KANK1: variants seen among roughly 807,000 people sequenced by gnomAD.
The protein encoded by KANK1 is KN motif and ankyrin repeat domain-containing protein 1.
In KANK1, 109 loss-of-function variants were observed where a neutral mutation model predicts 106.2. That is an observed-to-expected ratio of 1.03 (90% CI 0.88 to 1.20). The LOEUF is 1.20. Ranked by LOEUF, KANK1 falls within the 50% of genes most tolerant of loss-of-function variation. The probability of loss-of-function intolerance (pLI) is 0.00; values close to 1 mark genes in which losing one functional copy is unlikely to be tolerated. For missense variants in KANK1, 2,399 were observed against 1,710.7 expected (o/e 1.40, Z -7.10); for synonymous variants, 873 against 652.2 (o/e 1.34, Z -5.16).
intron 3 of KANK1, among the ~76,000 whole-genome samples, chr9:496,541 A>C (rs192728699): frequency 6.6e-6 from 1 of 152,246 alleles, no homozygotes; most frequent in Non-Finnish European, 1.5e-5. Context: ...TGGACAACAG[A>C]GCAAGACTCC....
intron 11 of KANK1, 39 bp from the exon 12 acceptor site, chr9:745,134 C>CT: frequency 6.2e-7 from 1 of 1,610,334 alleles, no homozygotes; most frequent in Non-Finnish European, 8.5e-7. Flanking sequence ...CCTGAGGTCA[C>CT]TTATTAACCC....
chr9:735,777 T>G, intron 7 of KANK1: 1 of 429,692 alleles, frequency 2.3e-6, no homozygotes. Flanking sequence ...GTGGATCACA[T>G]GAGGTCTGGA....
chr9:741,302 G>A (rs372866967), intron 9 of KANK1, among the ~76,000 whole-genome samples: 2 of 151,104 alleles, frequency 1.3e-5, no homozygotes, highest in African/African-American at 4.9e-5. Context: ...AGTGTCCCAG[G>A]TCCAGATGTG....
At chr9:512,113 A>C (rs1008374007) in intron 1 of KANK1, among the ~76,000 whole-genome samples, 1 of 152,180 alleles carries the variant, frequency 6.6e-6, no homozygotes, top group Admixed American at 6.5e-5. Context: ...ATTTGTCTTC[A>C]TGGCAACTAC....
chr9:484,850 G>T (rs10974769), intron 3 of KANK1, among the ~76,000 whole-genome samples: 1 of 151,796 alleles, frequency 6.6e-6, no homozygotes, highest in Admixed American at 6.6e-5. Flanking sequence ...GTTACTCTCA[G>T]TGTTTCCAAG....
chr9:728,164 T>G (rs1207217261), intron 3 of KANK1, among the ~76,000 whole-genome samples: 3 of 152,186 alleles, frequency 2.0e-5, no homozygotes, highest in Admixed American at 6.5e-5. Context: ...AAAATATATT[T>G]CTTCGATGTA....
Position 742,410 on chromosome 9 carries a change from G to A in KANK1, c.3897+5G>A. ...AACGGTCACCTAGAGGACAACGTAA[G>A]CTGTCTCCATTGGGCCTCCTGGCCA... is the stretch of plus-strand genomic sequence containing the variant. On this transcript the variant is annotated splice_donor_5th_base_variant and intron_variant, in intron 10 of 11. Coordinates refer to ENST00000382297, the MANE Select transcript of KANK1 (RefSeq NM_015158.5). 2 of 1,608,470 alleles carry A rather than the reference G, an allele frequency of 1.2e-6. No individual in the cohort carries two copies. The highest frequency in any genetic ancestry group is 2.2e-5 in the South Asian group (2 of 90,454).
intron 3 of KANK1, among the ~76,000 whole-genome samples, chr9:716,612 C>T (rs1270130434): frequency 6.6e-6 from 1 of 152,136 alleles, no homozygotes; most frequent in Non-Finnish European, 1.5e-5. Flanking sequence ...TATTAGCGGC[C>T]AATCCATAGA....
chr9:642,746 T>A (rs1838764657), intron 1 of KANK1, among the ~76,000 whole-genome samples: 1 of 150,096 alleles, frequency 6.7e-6, no homozygotes, highest in South Asian at 2.1e-4. Flanking sequence ...TCTTTCACAA[T>A]AAATAGGTGC....
At position 614,378 on chromosome 9, in the gene KANK1, A is replaced by G. The variant is rs147266925; in HGVS notation, c.-83-62512A>G. 3.3e-5 allele frequency among the ~76,000 whole-genome samples: 5 copies of G among 152,126 alleles called. No individual in the cohort carries two copies. The East Asian group carries it at 9.6e-4, about 29-fold the overall frequency. On this transcript the variant is annotated intron_variant, in intron 1 of 11. Transcript: ENST00000382297. ...CCATTTCCATCTTTGAGGAGTGATT[A>G]TATACTTCTGCAGTTTTTTTAAATG...
Position 596,710 on chromosome 9 carries a change from AT to A in KANK1, c.-83-80172del, listed in dbSNP as rs532261032. Among the ~76,000 whole-genome samples, 17 of 151,602 alleles carry A rather than the reference AT, an allele frequency of 1.1e-4. 1 individual carries two copies. The highest frequency in any genetic ancestry group is 6.8e-3 in the Middle Eastern group (2 of 292). On this transcript the variant is annotated intron_variant, in intron 1 of 11. Transcript: ENST00000382297. ...ATTGGTGTTTTGGTCTTCCCTATAC[AT>A]TTTTTTTAACTTTTATTTATTTTTA...
intron 1 of KANK1, among the ~76,000 whole-genome samples, chr9:654,048 G>A (rs1411774361): frequency 1.3e-5 from 2 of 152,146 alleles, no homozygotes; most frequent in Admixed American, 1.3e-4. Flanking sequence ...ACAAACTGAG[G>A]CTGAAATTGA....
In KANK1 at chr9:726,445, C is replaced by G. The variant is rs879844627; in HGVS notation, c.2699-3606C>G. Among the ~76,000 whole-genome samples, 5 of 152,174 alleles carry G rather than the reference C, an allele frequency of 3.3e-5. No individual in the cohort carries two copies. The East Asian group carries it at 9.7e-4, about 29-fold the overall frequency. On this transcript the variant is annotated intron_variant, in intron 3 of 11. Transcript: ENST00000382297. ...CCTGAGGTCAGGAGTTCGAGTCCAA[C>G]CTGGCCAACATGGTGAAACCGAGTC...
At chr9:649,338 C>G (rs774828531) in intron 1 of KANK1, among the ~76,000 whole-genome samples, 2 of 152,056 alleles carry the variant, frequency 1.3e-5, no homozygotes, top group African/African-American at 2.4e-5. Flanking sequence ...ATTTTAACAC[C>G]CTCGAAAGCG....
At chr9:628,437 T>C (rs1288523354) in intron 1 of KANK1, among the ~76,000 whole-genome samples, 3 of 152,228 alleles carry the variant, frequency 2.0e-5, no homozygotes, top group Admixed American at 2.0e-4. Context: ...TATTCACAGA[T>C]GTACGTATTT....
exon 2 of KANK1, chr9:470,657 C>G (rs1262706475): frequency 1.3e-5 from 2 of 152,314 alleles, no homozygotes; most frequent in African/African-American, 4.8e-5. Context: ...TGGGAACGGA[C>G]ACGCGTGCAC....
chr9:512,277 T>C (rs549302902), intron 1 of KANK1, among the ~76,000 whole-genome samples: 8 of 146,818 alleles, frequency 5.4e-5, no homozygotes, highest in Non-Finnish European at 1.2e-4. Context: ...ACAAGATTTT[T>C]AAAACAAGGA....
intron 1 of KANK1, among the ~76,000 whole-genome samples, chr9:535,729 T>G (rs937005124): frequency 2.0e-5 from 3 of 152,200 alleles, no homozygotes; most frequent in African/African-American, 7.2e-5. Flanking sequence ...ATCATGGTAT[T>G]TGTGATTTCC....
chr9:654,229 C>G (rs1383284735), intron 1 of KANK1, among the ~76,000 whole-genome samples: 2 of 152,176 alleles, frequency 1.3e-5, no homozygotes, highest in Non-Finnish European at 2.9e-5. Context: ...TCTAATAAGT[C>G]CTCAGGTGAT....
Sources: allele counts gnomAD v4.1 joint callset (sites outside exome capture counted in the v4.1 genomes callset), GRCh38; gene constraint gnomAD v4.1.1; transcripts MANE v1.5; gene names NCBI Gene and HGNC (gene_info 2026-07-23, HGNC 2026-07-21).